Variants in ZNF385D observed in about 807,000 individuals in gnomAD.
ZNF385D encodes the protein zinc finger protein 659.
Under a neutral mutation model 35.8 loss-of-function variants are expected in ZNF385D, and 15 were observed. The observed-to-expected ratio is 0.42, with a 90% confidence interval of 0.28 to 0.64. The LOEUF (loss-of-function observed/expected upper bound fraction) is 0.64. ZNF385D is among the 30% of genes least tolerant of loss of function. The pLI is 0.23. For missense variants in ZNF385D, 474 were observed against 494.6 expected, an observed-to-expected ratio of 0.96 and a Z score of 0.39; for synonymous variants, 212 against 186.8, an observed-to-expected ratio of 1.13 and a Z score of -1.10.
At chr3:21,797,623 T>C (rs778577104) in intron 3 of ZNF385D, among the ~76,000 whole-genome samples, 2 of 152,108 alleles carry the variant, frequency 1.3e-5, no homozygotes, top group African/African-American at 2.4e-5. Flanking sequence ...AATAGATAAA[T>C]AAACTGTGGT....
intron 3 of ZNF385D, among the ~76,000 whole-genome samples, chr3:21,760,475 T>A (rs1215963524): frequency 6.6e-6 from 1 of 152,210 alleles, no homozygotes; most frequent in Non-Finnish European, 1.5e-5. Context: ...TAGTGAACTT[T>A]TATGCAGTGG....
At chr3:21,603,322 G>A (rs2064374301) in intron 2 of ZNF385D, among the ~76,000 whole-genome samples, 2 of 152,180 alleles carry the variant, frequency 1.3e-5, no homozygotes. Flanking sequence ...TGTACTGGAG[G>A]AAGGGAATTT....
chr3:22,099,504 A>G (rs1701812327), intron 3 of ZNF385D, among the ~76,000 whole-genome samples: 1 of 152,132 alleles, frequency 6.6e-6, no homozygotes, highest in African/African-American at 2.4e-5. Flanking sequence ...AAACAAGGAT[A>G]ACTAGATTTA....
In ZNF385D at chr3:21,826,528, A is replaced by AG. The variant is rs529373176; in HGVS notation, c.326-161501dup. ...GTGGAGAAGAAGAGGTTCAGGAAGG[A>AG]GTCCACTTGAAAGTCATTCCTTTTT... On this transcript the variant is annotated intron_variant, in intron 3 of 5. Coordinates refer to the ZNF385D transcript ENST00000494108. 2.6e-4 allele frequency among the ~76,000 whole-genome samples: 39 copies of AG among 152,298 alleles called. 1 individual carries two copies. The highest frequency in any genetic ancestry group is 6.8e-3 in the Middle Eastern group (2 of 294).
intron 2 of ZNF385D, among the ~76,000 whole-genome samples, chr3:22,245,841 T>C (rs1054342241): frequency 3.3e-5 from 5 of 152,070 alleles, no homozygotes; most frequent in African/African-American, 7.2e-5. Flanking sequence ...TTGGAAAGAA[T>C]TGTGATTGGA....
At chr3:21,820,466 CG>C (rs1255783627) in intron 3 of ZNF385D, among the ~76,000 whole-genome samples, 2 of 151,038 alleles carry the variant, frequency 1.3e-5, no homozygotes, top group African/African-American at 2.4e-5. Context: ...AAATCAGATC[CG>C]AGAGGAAAAT....
chr3:22,140,288 A>G (rs922758996), intron 3 of ZNF385D, among the ~76,000 whole-genome samples: 1 of 152,224 alleles, frequency 6.6e-6, no homozygotes, highest in Non-Finnish European at 1.5e-5. Flanking sequence ...TAGATCTTAA[A>G]TTCATAATGC....
chr3:22,346,647 C>A (rs1695671344), intron 2 of ZNF385D, among the ~76,000 whole-genome samples: 1 of 152,126 alleles, frequency 6.6e-6, no homozygotes, highest in African/African-American at 2.4e-5. Context: ...TCTTAACTAC[C>A]ATTTGCCTTT....
chr3:22,137,243 C>A (rs1181584181), intron 3 of ZNF385D, among the ~76,000 whole-genome samples: 2 of 152,122 alleles, frequency 1.3e-5, no homozygotes. Flanking sequence ...ACCAGAGGTA[C>A]AAGGAGGAGC....
At chr3:22,264,038 A>T (rs574998972) in intron 2 of ZNF385D, among the ~76,000 whole-genome samples, 15 of 152,154 alleles carry the variant, frequency 9.9e-5, no homozygotes, top group African/African-American at 3.6e-4. Flanking sequence ...CAATGTGAAT[A>T]TAAATATATA....
intron 3 of ZNF385D, among the ~76,000 whole-genome samples, chr3:21,892,831 T>C (rs1175164283): frequency 1.3e-5 from 2 of 152,144 alleles, no homozygotes; most frequent in Non-Finnish European, 2.9e-5. Flanking sequence ...TTTTAAACCA[T>C]GCATTGTGGA....
At chr3:22,064,131 C>T (rs531735671) in intron 3 of ZNF385D, among the ~76,000 whole-genome samples, 19 of 152,166 alleles carry the variant, frequency 1.2e-4, no homozygotes, top group Non-Finnish European at 2.4e-4. Context: ...GGCTAGAAAT[C>T]AAGAGAAGTG....
chr3:22,201,797 G>A (rs1312419528), intron 2 of ZNF385D, among the ~76,000 whole-genome samples: 1 of 151,408 alleles, frequency 6.6e-6, no homozygotes, highest in African/African-American at 2.4e-5. Flanking sequence ...CTGAATGTGT[G>A]TGTATATATA....
At chr3:22,207,080 C>A (rs555742668) in intron 2 of ZNF385D, among the ~76,000 whole-genome samples, 51 of 151,722 alleles carry the variant, frequency 3.4e-4, no homozygotes, top group African/African-American at 1.2e-3. Flanking sequence ...ACATTACAAC[C>A]AATACTTCTG....
intron 3 of ZNF385D, among the ~76,000 whole-genome samples, chr3:22,044,206 A>T (rs1698847522): frequency 6.6e-6 from 1 of 152,014 alleles, no homozygotes; most frequent in South Asian, 2.1e-4. Context: ...AATTGGCACC[A>T]GTGAGGGGTG....
intron 4 of ZNF385D, among the ~76,000 whole-genome samples, chr3:21,487,212 C>T (rs1425740523): frequency 6.6e-6 from 1 of 152,062 alleles, no homozygotes; most frequent in South Asian, 2.1e-4. Flanking sequence ...AGGAAAAATG[C>T]CTCCAGTGTT....
At chr3:21,887,532 A>T (rs1408728777) in intron 3 of ZNF385D, among the ~76,000 whole-genome samples, 3 of 152,266 alleles carry the variant, frequency 2.0e-5, no homozygotes, top group East Asian at 3.9e-4. Flanking sequence ...AAATTATTAT[A>T]TGTCAACTTC....
Position 21,842,647 on chromosome 3 carries a change from G to C in ZNF385D, c.326-177619C>G, listed in dbSNP as rs573333906. ...TTTATATCCAAATTTCTGTTTTCCA[G>C]TTGTAAAACTCTGTAAGTGGAATGA... On this transcript the variant is annotated intron_variant, in intron 3 of 5. Coordinates refer to the ZNF385D transcript ENST00000494108. Among the ~76,000 whole-genome samples the C allele has an allele frequency of 1.4e-4, 22 of 152,048 alleles. No homozygotes were observed. The South Asian group carries it at 1.9e-3, about 13-fold the overall frequency.
At chr3:21,970,742 A>T (rs1703198297) in intron 3 of ZNF385D, among the ~76,000 whole-genome samples, 1 of 152,128 alleles carries the variant, frequency 6.6e-6, no homozygotes, top group South Asian at 2.1e-4. Flanking sequence ...ATTTAACCCA[A>T]GGAAGACTGC....
Sources: allele counts gnomAD v4.1 joint callset (sites outside exome capture counted in the v4.1 genomes callset), GRCh38; gene constraint gnomAD v4.1.1; transcripts MANE v1.5; gene names NCBI Gene and HGNC (gene_info 2026-07-23, HGNC 2026-07-21).